UPP2: variants seen among roughly 807,000 people sequenced by gnomAD.
UPP2 encodes uridine phosphorylase 2, also known as UPase 2.
UPP2 carries 23 observed loss-of-function variants against 26.7 expected under a neutral mutation model. The ratio of observed to expected loss-of-function variants is 0.86; its 90% CI spans 0.62 to 1.22. The LOEUF is 1.22. UPP2 is among the 50% of genes most tolerant of loss of function. The pLI is 0.00. For synonymous variants in UPP2, 127 were observed against 141.3 expected (o/e 0.90, Z 0.72); for missense variants, 387 against 396.7 (o/e 0.98, Z 0.21).
At chr2:158,090,522 A>AAAAC (rs200617749) in intron 3 of UPP2, among the ~76,000 whole-genome samples, 28 of 151,290 alleles carry the variant, frequency 1.9e-4, no homozygotes, top group African/African-American at 5.4e-4. Context: ...AAAAACCCAA[A>AAAAC]AAACAAACAA....
At chr2:158,075,057 A>T (rs1682609686) in intron 3 of UPP2, among the ~76,000 whole-genome samples, 1 of 152,140 alleles carries the variant, frequency 6.6e-6, no homozygotes, top group Non-Finnish European at 1.5e-5. Context: ...AAAAATGGTC[A>T]GTTCAGCAAG....
At chr2:158,027,413 A>T (rs1264092119) in intron 3 of UPP2, among the ~76,000 whole-genome samples, 1 of 152,160 alleles carries the variant, frequency 6.6e-6, no homozygotes, top group Non-Finnish European at 1.5e-5. Flanking sequence ...CGCCAAAATG[A>T]TCTCTTTTGA....
intron 3 of UPP2, among the ~76,000 whole-genome samples, chr2:158,085,592 G>T (rs1682801877): frequency 6.6e-6 from 1 of 152,124 alleles, no homozygotes; most frequent in African/African-American, 2.4e-5. Flanking sequence ...TTCTCAGAGA[G>T]AATGCTTTCA....
chr2:158,054,619 G>A (rs1389136706), intron 3 of UPP2, among the ~76,000 whole-genome samples: 1 of 152,110 alleles, frequency 6.6e-6, no homozygotes, highest in Non-Finnish European at 1.5e-5. Context: ...AGAATCTGGT[G>A]TGTACTAAGG....
At chr2:158,126,662 T>C (rs1301706233) in intron 6 of UPP2, 3 of 152,266 alleles carry the variant, frequency 2.0e-5, no homozygotes, top group Non-Finnish European at 4.4e-5. Flanking sequence ...CCTTTTGATT[T>C]TAACCCATTT....
At chr2:158,000,617 A>G (rs1013807603) in intron 2 of UPP2, among the ~76,000 whole-genome samples, 14 of 152,218 alleles carry the variant, frequency 9.2e-5, no homozygotes, top group Admixed American at 8.5e-4. Context: ...GGTGGCTGCT[A>G]TCATCATCCT....
intron 3 of UPP2, among the ~76,000 whole-genome samples, chr2:158,042,403 G>A (rs1237910088): frequency 6.6e-6 from 1 of 152,110 alleles, no homozygotes; most frequent in Non-Finnish European, 1.5e-5. Context: ...TGTGTGTCAT[G>A]ATCACAGATG....
At chr2:158,071,580 T>TAAA in intron 3 of UPP2, among the ~76,000 whole-genome samples, 1 of 119,474 alleles carries the variant, frequency 8.4e-6, no homozygotes, top group Non-Finnish European at 1.7e-5. Flanking sequence ...AAAAAAAAAG[T>TAAA]GACTACTTCC....
intron 3 of UPP2, among the ~76,000 whole-genome samples, chr2:158,050,990 A>G (rs1682145621): frequency 6.6e-6 from 1 of 152,124 alleles, no homozygotes. Flanking sequence ...GATGTGACTA[A>G]TTCACAGAGC....
At chr2:158,047,997 G>C (rs1423651570) in intron 3 of UPP2, among the ~76,000 whole-genome samples, 4 of 147,754 alleles carry the variant, frequency 2.7e-5, no homozygotes, top group African/African-American at 1.1e-4. Flanking sequence ...CCTGAGCAGA[G>C]AGTTCAGTGA....
At chr2:158,053,645 T>G (rs1041086670) in intron 3 of UPP2, among the ~76,000 whole-genome samples, 1 of 152,220 alleles carries the variant, frequency 6.6e-6, no homozygotes, top group Non-Finnish European at 1.5e-5. Flanking sequence ...ATCCATACAG[T>G]AGCTACTTGA....
At chr2:158,030,234 G>A (rs1411915947) in intron 3 of UPP2, among the ~76,000 whole-genome samples, 1 of 152,156 alleles carries the variant, frequency 6.6e-6, no homozygotes, top group East Asian at 1.9e-4. Flanking sequence ...AAATTATTCT[G>A]AAACATGAGG....
chr2:158,026,244 G>T (rs1490884166), intron 3 of UPP2, among the ~76,000 whole-genome samples: 1 of 152,054 alleles, frequency 6.6e-6, no homozygotes, highest in Non-Finnish European at 1.5e-5. Flanking sequence ...CAGCATCGGG[G>T]GCTGAAAATT....
At chr2:158,129,693 T>C (rs758485156) in intron 6 of UPP2, among the ~76,000 whole-genome samples, 1 of 144,644 alleles carries the variant, frequency 6.9e-6, no homozygotes, top group Non-Finnish European at 1.5e-5. Flanking sequence ...GAATGCATAA[T>C]AATATAATTT....
intron 2 of UPP2, among the ~76,000 whole-genome samples, chr2:158,107,191 T>G (rs1683213654): frequency 1.3e-5 from 2 of 152,238 alleles, no homozygotes; most frequent in African/African-American, 4.8e-5. Flanking sequence ...TTTAAAGAAC[T>G]TTTGTTTTCC....
chr2:158,075,821 A>T (rs1682622287), intron 3 of UPP2, among the ~76,000 whole-genome samples: 1 of 151,970 alleles, frequency 6.6e-6, no homozygotes, highest in South Asian at 2.1e-4. Flanking sequence ...TTATTAGAAG[A>T]AAAGAAATAA....
chr2:158,100,632 G>A (rs892170421), upstream of UPP2, among the ~76,000 whole-genome samples: 8 of 152,212 alleles, frequency 5.3e-5, no homozygotes, highest in African/African-American at 1.9e-4. Context: ...GTAAGAGACA[G>A]ATGTATACAA....
intron 3 of UPP2, among the ~76,000 whole-genome samples, chr2:158,019,021 T>G (rs1165196846): frequency 6.6e-6 from 1 of 152,156 alleles, no homozygotes; most frequent in Non-Finnish European, 1.5e-5. Flanking sequence ...CCAAGTCTTA[T>G]CCACCATAAG....
At chr2:158,045,136 G>T (rs1239264592) in intron 3 of UPP2, among the ~76,000 whole-genome samples, 3 of 152,106 alleles carry the variant, frequency 2.0e-5, no homozygotes, top group African/African-American at 7.2e-5. Flanking sequence ...AAAATAATGG[G>T]CTTGAAAACC....
Sources: gnomAD v4.1 joint callset for allele counts (sites outside exome capture counted in the v4.1 genomes callset) on GRCh38, gnomAD v4.1.1 for gene constraint, MANE v1.5 for transcripts, NCBI Gene and HGNC (gene_info 2026-07-23, HGNC 2026-07-21) for gene names.